TNKS2: variants seen among roughly 807,000 people sequenced by gnomAD.
TNKS2 encodes the protein tankyrase 2, also known as poly [ADP-ribose] polymerase tankyrase-2.
Under a neutral mutation model 137.6 loss-of-function variants are expected in TNKS2, and 72 were observed. That is an observed-to-expected ratio of 0.52 (90% CI 0.43 to 0.64). The LOEUF is 0.64. TNKS2 is among the 30% of genes least tolerant of loss of function. TNKS2 has a pLI of 0.00. For synonymous variants in TNKS2, 516 were observed against 512.1 expected (o/e 1.01, Z -0.10); for missense variants, 1,049 against 1,410.2 (o/e 0.74, Z 4.10).
At chr10:91,801,997 A>G (rs1564599563) in intron 1 of TNKS2, among the ~76,000 whole-genome samples, 1 of 152,262 alleles carries the variant, frequency 6.6e-6, no homozygotes, top group Admixed American at 6.5e-5. Context: ...GATGCCCATC[A>G]TAGAAATGAA....
chr10:91,807,852 C>T (rs1003765543), intron 1 of TNKS2, among the ~76,000 whole-genome samples: 2 of 151,960 alleles, frequency 1.3e-5, no homozygotes, highest in African/African-American at 4.8e-5. Context: ...AAAAATTAGC[C>T]AGGCGTGGTG....
intron 15 of TNKS2, 26 bp downstream of exon 15, chr10:91,841,474 G>C (rs1375550956): frequency 3.9e-6 from 6 of 1,551,736 alleles, no homozygotes; most frequent in Non-Finnish European, 5.2e-6. Flanking sequence ...TAACTGTAAA[G>C]AGTATGAATT....
At chr10:91,851,648 T>C (rs1009519692) in intron 21 of TNKS2, among the ~76,000 whole-genome samples, 2 of 152,208 alleles carry the variant, frequency 1.3e-5, no homozygotes, top group African/African-American at 4.8e-5. Context: ...TAAATTGTAT[T>C]ATTTTAAAGG....
intron 14 of TNKS2, 80 bp from the exon 15 acceptor site, chr10:91,841,203 T>G (rs1449186902): frequency 1.8e-5 from 22 of 1,224,506 alleles, no homozygotes; most frequent in African/African-American, 3.1e-5. Flanking sequence ...GTTCAAGAAT[T>G]ATCTTTCATC....
At position 91,842,300 on chromosome 10, in the gene TNKS2, T is replaced by G. The variant is rs1225514887; in HGVS notation, c.1968T>G (p.Gly656=). The change falls in exon 16 of 27, where the codon GGT becomes GGG. Residue 656 remains glycine, a synonymous_variant. Coordinates refer to ENST00000371627, the MANE Select transcript of TNKS2 (RefSeq NM_025235.4). ...CTTTGCTAGATGCTGCCAAGAAGGGTTGTTTAGCCAGAGTGAAGAAGTTGT... is the reference window on the plus strand; with the variant it reads ...CTTTGCTAGATGCTGCCAAGAAGGGGTGTTTAGCCAGAGTGAAGAAGTTGT... ...DAALLDAAKK[G]CLARVKKLSS... The G allele has an allele frequency of 6.2e-7, 1 of 1,614,078 alleles. No homozygotes were observed.
At chr10:91,817,087 T>C (rs868305810) in intron 2 of TNKS2, 47 bp from the exon 3 acceptor site, 4 of 1,331,294 alleles carry the variant, frequency 3.0e-6, no homozygotes, top group Non-Finnish European at 3.2e-6. Flanking sequence ...TAAAATCAAG[T>C]TGTTAAGATT....
chr10:91,838,575 A>G (rs1842106874), intron 13 of TNKS2, among the ~76,000 whole-genome samples: 1 of 152,194 alleles, frequency 6.6e-6, no homozygotes, highest in Non-Finnish European at 1.5e-5. Context: ...GGCCTGTGAT[A>G]ACTACCAAAC....
In TNKS2 at chr10:91,840,662, A is replaced by G; in HGVS notation, c.1629A>G (p.Glu543=). ...GGTATAACAGAGTGTCCGTGGTGGAATATCTGCTACAGCATGGAGCTGATG... is the reference window on the plus strand; with the variant it reads ...GGTATAACAGAGTGTCCGTGGTGGAGTATCTGCTACAGCATGGAGCTGATG... The part of the protein sequence containing the change: ...AAGYNRVSVV[E]YLLQHGADVH... Residue 543 remains glutamate, a synonymous_variant, in exon 14 of 27, where the codon GAA becomes GAG. Coordinates refer to ENST00000371627, the MANE Select transcript of TNKS2 (RefSeq NM_025235.4). 1 of 1,614,150 alleles carries G rather than the reference A, an allele frequency of 6.2e-7. No homozygotes were observed. The highest frequency in any genetic ancestry group is 8.5e-7 in the Non-Finnish European group (1 of 1,180,016).
chr10:91,856,065 C>G (rs1486010667), intron 23 of TNKS2, among the ~76,000 whole-genome samples: 2 of 151,912 alleles, frequency 1.3e-5, no homozygotes, highest in Admixed American at 6.6e-5. Flanking sequence ...TTTTTTTATC[C>G]TGATTGACTA....
In TNKS2 at chr10:91,819,941, A is replaced by G. The variant is rs574451119; in HGVS notation, c.636A>G (p.Ser212=). Reference sequence around the variant, plus strand: ...AATATATTTGATTAATATTTCAGTCAACTCCATTACATTTGGCAGCAGGAT... The same window carrying G: ...AATATATTTGATTAATATTTCAGTCGACTCCATTACATTTGGCAGCAGGAT... ...VNCHASDGRK[S]TPLHLAAGYN... The change falls in exon 6 of 27, where the codon TCA becomes TCG. Residue 212 remains serine, a splice_region_variant and synonymous_variant. Transcript: ENST00000371627. 3.2e-6 allele frequency: 5 copies of G among 1,559,284 alleles called. No individual in the cohort carries two copies. Among genetic ancestry groups the G allele is most frequent in the East Asian group, 2.3e-5 (1 of 43,052 alleles).
At chr10:91,862,291 T>C (rs1283844196) in intron 26 of TNKS2, 136 bp downstream of exon 26, 2 of 666,428 alleles carry the variant, frequency 3.0e-6, no homozygotes, top group Non-Finnish European at 4.5e-6. Context: ...AATTTCAGAT[T>C]TGGAAAGTTA....
chr10:91,817,856 C>T (rs1242651088), intron 3 of TNKS2, among the ~76,000 whole-genome samples: 1 of 152,160 alleles, frequency 6.6e-6, no homozygotes, highest in Non-Finnish European at 1.5e-5. Context: ...CACATATTAT[C>T]TCCCTTGTTA....
At position 91,845,917 on chromosome 10, in the gene TNKS2, C is replaced by A; in HGVS notation, c.2335C>A (p.Gln779Lys). ...CCCGACTCTTAAAAATCAGGAAGGA[C>A]AAACACCTTTAGATTTAGTTTCAGT... ...ADPTLKNQEG[Q>K]TPLDLVSADD... The change falls in exon 18 of 27, where the codon CAA becomes AAA. Residue 779 changes from glutamine to lysine, a missense_variant. This residue lies in a region of TNKS2 where 208 missense variants were observed against 231.2 expected (regional missense o/e 0.90). Transcript: ENST00000371627. 6.3e-7 allele frequency: 1 copy of A among 1,574,820 alleles called. No homozygotes were observed. Among genetic ancestry groups the A allele is most frequent in the Non-Finnish European group, 8.7e-7 (1 of 1,152,418 alleles).
chr10:91,816,101 A>G (rs1427229660), intron 2 of TNKS2, among the ~76,000 whole-genome samples: 1 of 151,830 alleles, frequency 6.6e-6, no homozygotes, highest in Non-Finnish European at 1.5e-5. Flanking sequence ...GGCGCCCGCC[A>G]CCATGCCCAG....
At chr10:91,814,111 G>A (rs1490894846) in intron 2 of TNKS2, among the ~76,000 whole-genome samples, 1 of 152,154 alleles carries the variant, frequency 6.6e-6, no homozygotes, top group East Asian at 1.9e-4. Flanking sequence ...ATTATTATAG[G>A]AGATGACAGC....
intron 1 of TNKS2, among the ~76,000 whole-genome samples, chr10:91,807,617 T>G (rs1844368435): frequency 6.6e-6 from 1 of 152,204 alleles, no homozygotes; most frequent in African/African-American, 2.4e-5. Context: ...GTCAACAAAT[T>G]GCTCTGTACC....
chr10:91,810,581 C>T (rs1471850911), intron 1 of TNKS2, among the ~76,000 whole-genome samples: 1 of 151,570 alleles, frequency 6.6e-6, no homozygotes, highest in African/African-American at 2.4e-5. Context: ...TGGCTCAGTG[C>T]AAGCTCTGCC....
Position 91,859,514 on chromosome 10 carries a change from G to C in TNKS2, c.3147G>C (p.Ala1049=). The C allele has an allele frequency of 6.2e-7, 1 of 1,613,806 alleles. No individual in the cohort carries two copies. The highest frequency in any genetic ancestry group is 8.5e-7 in the Non-Finnish European group (1 of 1,179,872). Residue 1049 remains alanine (A), a synonymous_variant, in exon 25 of 27, where the codon GCG becomes GCC. Transcript: ENST00000371627. Reference sequence around the variant, plus strand: ...ACAAAGGCTTTGATGAAAGGCATGCGTACATAGGTGGTATGTTTGGAGCTG... The same window carrying C: ...ACAAAGGCTTTGATGAAAGGCATGCCTACATAGGTGGTATGTTTGGAGCTG... The part of the protein sequence containing the change: ...IIHKGFDERH[A]YIGGMFGAGI...
intron 16 of TNKS2, 105 bp downstream of exon 16, chr10:91,842,496 A>G (rs1842239466): frequency 2.0e-6 from 2 of 1,007,452 alleles, no homozygotes; most frequent in South Asian, 3.1e-5. Context: ...AAATCAGGCC[A>G]AGCATGGTGG....
Sources: allele counts gnomAD v4.1 joint callset (sites outside exome capture counted in the v4.1 genomes callset), GRCh38; gene constraint gnomAD v4.1.1; regional missense constraint gnomAD v4.1.1; transcripts MANE v1.5; gene names NCBI Gene and HGNC (gene_info 2026-07-23, HGNC 2026-07-21).